TNKS: variants seen among roughly 807,000 people sequenced by gnomAD.
TNKS encodes tankyrase.
A neutral mutation model predicts 135.8 loss-of-function variants in TNKS; 72 were observed. That is an observed-to-expected ratio of 0.53 (90% confidence interval 0.44 to 0.64). The LOEUF (loss-of-function observed/expected upper bound fraction) is 0.64, where lower values mean the gene tolerates loss of function less well. TNKS is among the 30% of genes least tolerant of loss of function. TNKS has a pLI of 0.00. For missense variants in TNKS, 1,769 were observed against 1,674.0 expected (o/e 1.06, Z -0.99); for synonymous variants, 849 against 649.3 (o/e 1.31, Z -4.68).
chr8:9,635,370 G>A (rs1800471359), intron 3 of TNKS, among the ~76,000 whole-genome samples: 1 of 152,158 alleles, frequency 6.6e-6, no homozygotes, highest in African/African-American at 2.4e-5. Flanking sequence ...ATGAACGAAT[G>A]GGGAGGGACA....
chr8:9,581,270 A>G (rs759163332), intron 2 of TNKS, among the ~76,000 whole-genome samples: 8 of 152,210 alleles, frequency 5.3e-5, no homozygotes, highest in Non-Finnish European at 8.8e-5. Context: ...ATATTTTTCA[A>G]TATTCCTCAA....
chr8:9,661,655 A>C (rs535665179), intron 3 of TNKS, among the ~76,000 whole-genome samples: 1 of 152,340 alleles, frequency 6.6e-6, no homozygotes, highest in South Asian at 2.1e-4. Context: ...AGGCAATACC[A>C]TTCGGGACAT....
rs766619797 is a variant in TNKS at position 9,556,164 on chromosome 8, C to T, written c.225C>T (p.Pro75=). ...LPEGDGSRDP[P]DRPRSPDPVD... ...AGGGGGATGGCAGTCGGGATCCGCCCGACAGGCCCCGATCCCCGGACCCGG... is the reference window on the plus strand; with the variant it reads ...AGGGGGATGGCAGTCGGGATCCGCCTGACAGGCCCCGATCCCCGGACCCGG... The change falls in exon 1 of 27, where the codon CCC becomes CCT. Residue 75 remains proline (P), a synonymous_variant. Coordinates refer to ENST00000310430, the MANE Select transcript of TNKS (RefSeq NM_003747.3). 6.2e-7 allele frequency: 1 copy of T among 1,611,016 alleles called. No homozygotes were observed. The highest frequency in any genetic ancestry group is 8.5e-7 in the Non-Finnish European group (1 of 1,178,290).
At chr8:9,573,837 T>C (rs1016697574) in intron 1 of TNKS, among the ~76,000 whole-genome samples, 1 of 152,208 alleles carries the variant, frequency 6.6e-6, no homozygotes, top group African/African-American at 2.4e-5. Context: ...AAAACATCAG[T>C]TTAAAAATAT....
intron 3 of TNKS, among the ~76,000 whole-genome samples, chr8:9,630,656 C>T (rs933237923): frequency 2.6e-5 from 4 of 152,228 alleles, no homozygotes; most frequent in Admixed American, 6.5e-5. Context: ...TATGCAATGT[C>T]TGGCCCATAC....
At chr8:9,695,409 G>C (rs1456821622) in intron 5 of TNKS, among the ~76,000 whole-genome samples, 4 of 152,050 alleles carry the variant, frequency 2.6e-5, no homozygotes, top group Admixed American at 6.6e-5. Flanking sequence ...GATAATTGTG[G>C]CATTTGAGTT....
intron 3 of TNKS, among the ~76,000 whole-genome samples, chr8:9,659,560 A>C (rs968683534): frequency 1.3e-5 from 2 of 152,216 alleles, no homozygotes; most frequent in Non-Finnish European, 2.9e-5. Context: ...ACAACATACC[A>C]GAATCTCTGG....
At chr8:9,658,723 C>A (rs1445198187) in intron 3 of TNKS, among the ~76,000 whole-genome samples, 2 of 152,166 alleles carry the variant, frequency 1.3e-5, no homozygotes, top group Non-Finnish European at 2.9e-5. Context: ...GGATCAAATT[C>A]ACACATAACA....
At chr8:9,616,465 A>G (rs530784971) in intron 3 of TNKS, among the ~76,000 whole-genome samples, 1 of 152,292 alleles carries the variant, frequency 6.6e-6, no homozygotes, top group African/African-American at 2.4e-5. Context: ...TGCAGTGCTA[A>G]CAGTATTGTT....
At chr8:9,692,005 C>G (rs988803587) in intron 5 of TNKS, among the ~76,000 whole-genome samples, 10 of 151,982 alleles carry the variant, frequency 6.6e-5, no homozygotes, top group African/African-American at 2.4e-4. Context: ...TCCTACATGT[C>G]TTTTTTTTCT....
At chr8:9,695,505 T>A (rs767651697) in intron 5 of TNKS, among the ~76,000 whole-genome samples, 21 of 152,160 alleles carry the variant, frequency 1.4e-4, no homozygotes, top group Non-Finnish European at 2.2e-4. Context: ...GGGAGATTGC[T>A]TATGGCCTTC....
At chr8:9,752,012 C>T (rs1806570985) in intron 19 of TNKS, among the ~76,000 whole-genome samples, 166 bp downstream of exon 19, 1 of 152,134 alleles carries the variant, frequency 6.6e-6, no homozygotes, top group Non-Finnish European at 1.5e-5. Context: ...AAGGCTGCCA[C>T]GTTTCTTGGC....
At chr8:9,715,542 C>A (rs74659657) in intron 11 of TNKS, among the ~76,000 whole-genome samples, 429 of 152,146 alleles carry the variant, frequency 2.8e-3, no homozygotes, top group Admixed American at 4.6e-3. Context: ...CAGTACCCCC[C>A]ATCTCCTCCC....
rs1804664247 is a variant in TNKS, at chr8:9,717,330, A to C, written c.1750-3044A>C. Among the ~76,000 whole-genome samples, 4 of 151,830 alleles carry C rather than the reference A, an allele frequency of 2.6e-5. 1 individual carries two copies. On this transcript the variant is annotated intron_variant, in intron 11 of 26. Coordinates refer to ENST00000310430, the MANE Select transcript of TNKS (RefSeq NM_003747.3). The stretch of plus-strand genomic sequence containing the variant: ...ATTCCTCATAGGAAGTGCTTTAACT[A>C]TGCATACCACCAAGGATAATGATGA...
chr8:9,729,771 C>CT (rs763357075), intron 13 of TNKS, among the ~76,000 whole-genome samples: 16,586 of 94,864 alleles, frequency 0.17, 2,718 homozygotes, highest in African/African-American at 0.2. Flanking sequence ...ATATGATATT[C>CT]TTTTTTTTTT....
intron 1 of TNKS, among the ~76,000 whole-genome samples, chr8:9,569,557 A>T (rs1387940132): frequency 6.6e-6 from 1 of 152,224 alleles, no homozygotes; most frequent in Non-Finnish European, 1.5e-5. Flanking sequence ...TTGTGGGAAT[A>T]TACCACTACT....
In TNKS at chr8:9,720,373, G is replaced by C; in HGVS notation, c.1750-1G>C. 2 of 1,590,652 alleles carry C rather than the reference G, an allele frequency of 1.3e-6. No individual in the cohort carries two copies. Among genetic ancestry groups the C allele is most frequent in the Non-Finnish European group, 1.7e-6 (2 of 1,168,980 alleles). ...CATGTGCCCACGCAATGATTTTTCA[G>C]ATGAATGCACTGGACACCCTTGGTC... On this transcript the variant is annotated splice_acceptor_variant, in intron 11 of 26. Transcript: ENST00000310430. LOFTEE classifies it high-confidence loss of function.
chr8:9,770,796 G>A (rs911603074), intron 26 of TNKS, among the ~76,000 whole-genome samples: 1 of 152,150 alleles, frequency 6.6e-6, no homozygotes, highest in Non-Finnish European at 1.5e-5. Context: ...AATGCTGTTG[G>A]GGGAAGACTG....
At chr8:9,647,745 G>A (rs116849314) in intron 3 of TNKS, among the ~76,000 whole-genome samples, 3,267 of 152,242 alleles carry the variant, frequency 0.021, 50 homozygotes, top group Non-Finnish European at 0.033. Context: ...AATGCTCTGC[G>A]TTTTATTGAA....
Sources: allele counts gnomAD v4.1 joint callset (sites outside exome capture counted in the v4.1 genomes callset), GRCh38; gene constraint gnomAD v4.1.1; transcripts MANE v1.5; gene names NCBI Gene and HGNC (gene_info 2026-07-23, HGNC 2026-07-21).